Variants in ZFAT observed in about 807,000 individuals in gnomAD.
ZFAT encodes the protein zinc finger protein ZFAT.
Under a neutral mutation model 117.7 loss-of-function variants are expected in ZFAT, and 64 were observed. That is an observed-to-expected ratio of 0.54 (90% CI 0.44 to 0.67). ZFAT has a LOEUF of 0.67. ZFAT is among the 30% of genes least tolerant of loss of function. ZFAT has a pLI of 0.00. For missense variants in ZFAT, 1,433 were observed against 1,584.5 expected (o/e 0.90, Z 1.62); for synonymous variants, 679 against 615.0 (o/e 1.10, Z -1.54).
In ZFAT at chr8:134,547,017, C is replaced by A. The variant is rs533655782; in HGVS notation, c.2977-14045G>T. Reference sequence around the variant, plus strand: ...GCTCAAGGAGGGGACCCCAAATTCACAACAGATAATGAGAGCTGTCACTGA... The same window carrying A: ...GCTCAAGGAGGGGACCCCAAATTCAAAACAGATAATGAGAGCTGTCACTGA... On this transcript the variant is annotated intron_variant, in intron 11 of 15. Coordinates refer to ENST00000377838, the MANE Select transcript of ZFAT (RefSeq NM_020863.4). Among the ~76,000 whole-genome samples, 309 of 152,292 alleles carry A rather than the reference C, an allele frequency of 2.0e-3. 2 individuals carry two copies. Among genetic ancestry groups the A allele is most frequent in the Non-Finnish European group, 2.3e-3 (155 of 68,020 alleles).
At chr8:134,513,970 T>C (rs934307544) in intron 13 of ZFAT, among the ~76,000 whole-genome samples, 9 of 152,344 alleles carry the variant, frequency 5.9e-5, no homozygotes, top group Admixed American at 3.9e-4. Flanking sequence ...TAGCCGACAG[T>C]AGATCCAGGC....
chr8:134,831,575 G>A, the ZFAT span, among the ~76,000 whole-genome samples: 3 of 152,118 alleles, frequency 2.0e-5, no homozygotes, highest in Non-Finnish European at 2.9e-5. Context: ...CGCTGGCCCC[G>A]GCAAAAAGCA....
chr8:134,598,037 A>G (rs1160877939), intron 7 of ZFAT: 1 of 152,304 alleles, frequency 6.6e-6, no homozygotes, highest in African/African-American at 2.4e-5. Flanking sequence ...ATCTGCCTCA[A>G]CCACATTCCT....
intron 11 of ZFAT, among the ~76,000 whole-genome samples, chr8:134,549,584 G>A (rs1822982065): frequency 6.6e-6 from 1 of 152,138 alleles, no homozygotes; most frequent in African/African-American, 2.4e-5. Flanking sequence ...CTAGGCCCAT[G>A]GCCAAAGATC....
intron 13 of ZFAT, among the ~76,000 whole-genome samples, chr8:134,517,791 C>T (rs1820359803): frequency 1.3e-5 from 2 of 152,120 alleles, no homozygotes; most frequent in East Asian, 3.9e-4. Context: ...AGGTATTTGA[C>T]CACACCCATC....
the ZFAT span, among the ~76,000 whole-genome samples, chr8:134,733,353 G>A: frequency 6.6e-6 from 1 of 152,142 alleles, no homozygotes; most frequent in Non-Finnish European, 1.5e-5. Flanking sequence ...CCGGCTTTTG[G>A]GGTCATTGGA....
chr8:134,518,439 T>C (rs906912464), intron 13 of ZFAT, among the ~76,000 whole-genome samples: 17 of 152,220 alleles, frequency 1.1e-4, no homozygotes, highest in Non-Finnish European at 1.6e-4. Context: ...GCAGAGATAA[T>C]GTCAAACTTT....
At chr8:134,781,223 T>A in the ZFAT span, among the ~76,000 whole-genome samples, 3 of 152,300 alleles carry the variant, frequency 2.0e-5, no homozygotes, top group East Asian at 5.8e-4. Flanking sequence ...TCTCCTGTGC[T>A]CAAGCAATCT....
chr8:134,509,816 C>A, intron 14 of ZFAT, 67 bp from the exon 15 acceptor site: 8 of 1,527,288 alleles, frequency 5.2e-6, no homozygotes, highest in Non-Finnish European at 7.0e-6. Context: ...GAATGCAAAA[C>A]CAGCCTGTCT....
chr8:134,801,514 A>AC, the ZFAT span, among the ~76,000 whole-genome samples: 3 of 152,140 alleles, frequency 2.0e-5, no homozygotes, highest in South Asian at 2.1e-4. Flanking sequence ...GCCAGTCTCT[A>AC]CCTAGTCTCT....
intron 15 of ZFAT, among the ~76,000 whole-genome samples, chr8:134,498,295 C>T (rs1818662482): frequency 6.6e-6 from 1 of 150,626 alleles, no homozygotes; most frequent in Admixed American, 6.6e-5. Flanking sequence ...CTGCTGGTTA[C>T]ACACAGAGCC....
rs189722841 is a variant in ZFAT at position 134,605,186 on chromosome 8, C to T, written c.786-2253G>A. Among the ~76,000 whole-genome samples the T allele has an allele frequency of 1.4e-3, 207 of 152,258 alleles. 1 individual carries two copies. The highest frequency in any genetic ancestry group is 6.8e-3 in the Middle Eastern group (2 of 294). ...TGATGCCAGAGCTTCGATGTCCATGCGAGTTCTATGAAGTCACTTTATTCC... is the reference window on the plus strand; with the variant it reads ...TGATGCCAGAGCTTCGATGTCCATGTGAGTTCTATGAAGTCACTTTATTCC... On this transcript the variant is annotated intron_variant, in intron 5 of 15. Transcript: ENST00000377838.
At chr8:134,710,084 A>G (rs1249927297) in intron 1 of ZFAT, among the ~76,000 whole-genome samples, 1 of 152,218 alleles carries the variant, frequency 6.6e-6, no homozygotes, top group Non-Finnish European at 1.5e-5. Context: ...AAACTTCAAC[A>G]TATGTCCAGG....
intron 15 of ZFAT, among the ~76,000 whole-genome samples, chr8:134,499,332 A>G (rs1818762896): frequency 7.0e-6 from 1 of 142,870 alleles, no homozygotes; most frequent in Admixed American, 6.9e-5. Flanking sequence ...GTCGGGGTGG[A>G]GCTGGGATGC....
chr8:134,733,881 A>G, the ZFAT span, among the ~76,000 whole-genome samples: 1 of 152,214 alleles, frequency 6.6e-6, no homozygotes, highest in Non-Finnish European at 1.5e-5. Context: ...CGGCCACCCC[A>G]GCTCCTCAAA....
At chr8:134,542,158 C>A (rs1342581448) in intron 11 of ZFAT, among the ~76,000 whole-genome samples, 1 of 152,210 alleles carries the variant, frequency 6.6e-6, no homozygotes, top group Non-Finnish European at 1.5e-5. Context: ...CATTCTAACT[C>A]TCCCTCTATC....
chr8:134,621,886 G>A (rs146290614), intron 3 of ZFAT, among the ~76,000 whole-genome samples: 28 of 152,268 alleles, frequency 1.8e-4, no homozygotes, highest in Non-Finnish European at 1.0e-4. Flanking sequence ...TTTTGAGAAC[G>A]CATGATGAAA....
At chr8:134,591,540 C>A (rs1316781702) in intron 7 of ZFAT, among the ~76,000 whole-genome samples, 2 of 152,150 alleles carry the variant, frequency 1.3e-5, no homozygotes, top group Non-Finnish European at 2.9e-5. Flanking sequence ...ATTCTATCCC[C>A]TAAAAAATCA....
rs1320048253 is a variant in ZFAT at position 134,500,191 on chromosome 8, G to C, written c.3492+9428C>G. 2.0e-5 allele frequency among the ~76,000 whole-genome samples: 3 copies of C among 152,228 alleles called. No individual in the cohort carries two copies. The East Asian group carries it at 5.8e-4, about 29-fold the overall frequency. On this transcript the variant is annotated intron_variant, in intron 15 of 15. Coordinates refer to ENST00000377838, the MANE Select transcript of ZFAT (RefSeq NM_020863.4). Reference sequence around the variant, plus strand: ...TCCCAGGGTGAAGCTGCCTGGAGGGGAGATGTCAATTAAAACCGACCTGCC... The same window carrying C: ...TCCCAGGGTGAAGCTGCCTGGAGGGCAGATGTCAATTAAAACCGACCTGCC...
Sources: gnomAD v4.1 joint callset for allele counts (sites outside exome capture counted in the v4.1 genomes callset) on GRCh38, gnomAD v4.1.1 for gene constraint, MANE v1.5 for transcripts, NCBI Gene and HGNC (gene_info 2026-07-23, HGNC 2026-07-21) for gene names.